ARHGAP24: variants seen among roughly 807,000 people sequenced by gnomAD.
ARHGAP24 encodes Rho GTPase activating protein 24.
In ARHGAP24, 50 loss-of-function variants were observed where a neutral mutation model predicts 76.4. That is an observed-to-expected ratio of 0.65 (90% CI 0.52 to 0.83). The LOEUF (loss-of-function observed/expected upper bound fraction) is 0.83, where lower values mean the gene tolerates loss of function less well. ARHGAP24 is among the 40% of genes least tolerant of loss of function. ARHGAP24 has a pLI of 0.00. For missense variants in ARHGAP24, 930 were observed against 914.2 expected (o/e 1.02, Z -0.22); for synonymous variants, 345 against 323.3 (o/e 1.07, Z -0.72).
chr4:85,809,954 T>C (rs1270182731), intron 3 of ARHGAP24, among the ~76,000 whole-genome samples: 1 of 152,232 alleles, frequency 6.6e-6, no homozygotes, highest in Non-Finnish European at 1.5e-5. Flanking sequence ...CAGCATGTAA[T>C]TGAGGGCAAG....
intron 1 of ARHGAP24, among the ~76,000 whole-genome samples, chr4:85,544,861 A>G (rs1321206778): frequency 6.6e-6 from 1 of 151,932 alleles, no homozygotes; most frequent in Non-Finnish European, 1.5e-5. Context: ...TTTTCTTAAC[A>G]GTTGTTCAGC....
chr4:85,733,166 C>A (rs1043950728), intron 3 of ARHGAP24, among the ~76,000 whole-genome samples: 38 of 149,100 alleles, frequency 2.5e-4, no homozygotes, highest in African/African-American at 8.1e-4. Context: ...CGGGTTCACA[C>A]CTTTCTCCTG....
At chr4:85,954,752 A>G (rs1214106620) in intron 5 of ARHGAP24, among the ~76,000 whole-genome samples, 1 of 152,244 alleles carries the variant, frequency 6.6e-6, no homozygotes, top group Non-Finnish European at 1.5e-5. Flanking sequence ...TCACGCCTGT[A>G]ATCCCAGCAC....
chr4:85,893,721 G>A (rs1249000737), intron 3 of ARHGAP24, among the ~76,000 whole-genome samples: 8 of 149,028 alleles, frequency 5.4e-5, no homozygotes, highest in African/African-American at 1.7e-4. Context: ...GGTTTCTGCC[G>A]AGAGATCCGC....
At chr4:85,822,149 T>C (rs1729500807) in intron 3 of ARHGAP24, among the ~76,000 whole-genome samples, 1 of 152,180 alleles carries the variant, frequency 6.6e-6, no homozygotes, top group Non-Finnish European at 1.5e-5. Flanking sequence ...AAAATTTGTT[T>C]CAATTTAAAA....
chr4:85,538,830 T>C (rs1725572325), intron 1 of ARHGAP24, among the ~76,000 whole-genome samples: 2 of 152,212 alleles, frequency 1.3e-5, no homozygotes, highest in Admixed American at 6.5e-5. Flanking sequence ...CTATCAGTCA[T>C]CAATAGCTTC....
chr4:85,511,169 G>A (rs922763099), intron 1 of ARHGAP24, among the ~76,000 whole-genome samples: 3 of 152,108 alleles, frequency 2.0e-5, no homozygotes, highest in Non-Finnish European at 4.4e-5. Context: ...CAAAAATTGT[G>A]CTTACCACAA....
intron 4 of ARHGAP24, among the ~76,000 whole-genome samples, chr4:85,932,593 C>T (rs1319126720): frequency 2.0e-5 from 3 of 152,184 alleles, no homozygotes; most frequent in Admixed American, 2.0e-4. Context: ...TGGCAAATGG[C>T]CAACACTGGG....
intron 8 of ARHGAP24, among the ~76,000 whole-genome samples, chr4:85,988,413 GA>G (rs1174234342): frequency 1.3e-5 from 2 of 151,564 alleles, no homozygotes; most frequent in Non-Finnish European, 1.5e-5. Context: ...ATAAAAGACA[GA>G]AAATGGAAGC....
chr4:85,934,604 T>G (rs1736526117), intron 4 of ARHGAP24, among the ~76,000 whole-genome samples: 1 of 152,204 alleles, frequency 6.6e-6, no homozygotes, highest in Non-Finnish European at 1.5e-5. Flanking sequence ...AACCTCCGCC[T>G]CCCGGGTTCA....
intron 2 of ARHGAP24, among the ~76,000 whole-genome samples, chr4:85,593,575 T>G (rs1253580769): frequency 6.6e-6 from 1 of 152,156 alleles, no homozygotes; most frequent in Non-Finnish European, 1.5e-5. Flanking sequence ...CTTTTAGTAG[T>G]TTCATAGTTT....
intron 1 of ARHGAP24, among the ~76,000 whole-genome samples, chr4:85,567,199 C>T (rs907865187): frequency 5.3e-5 from 8 of 152,140 alleles, no homozygotes; most frequent in African/African-American, 1.7e-4. Flanking sequence ...TTTAAAAGCT[C>T]GCTTTGGCTG....
At chr4:85,722,917 T>C (rs181943519) in intron 3 of ARHGAP24, among the ~76,000 whole-genome samples, 51 of 152,300 alleles carry the variant, frequency 3.3e-4, no homozygotes, top group African/African-American at 1.2e-3. Flanking sequence ...AAAAGCATAT[T>C]TTCCCCTCGA....
chr4:85,770,881 A>C (rs1383922059), intron 3 of ARHGAP24, among the ~76,000 whole-genome samples: 1 of 152,202 alleles, frequency 6.6e-6, no homozygotes, highest in Non-Finnish European at 1.5e-5. Flanking sequence ...CACCTCAGAG[A>C]ACGTTGCAGG....
intron 9 of ARHGAP24, among the ~76,000 whole-genome samples, chr4:85,997,828 T>G (rs2148874203): frequency 6.6e-6 from 1 of 152,116 alleles, no homozygotes; most frequent in South Asian, 2.1e-4. Flanking sequence ...GATAATTTTT[T>G]TTTTTCTTGT....
At chr4:85,976,421 A>G (rs865967766) in intron 7 of ARHGAP24, among the ~76,000 whole-genome samples, 2 of 152,180 alleles carry the variant, frequency 1.3e-5, no homozygotes, top group Non-Finnish European at 2.9e-5. Context: ...CTGGTACCAC[A>G]TGACTCTCAT....
At position 85,872,613 on chromosome 4, in the gene ARHGAP24, T is replaced by TG. The variant is rs1212028076; in HGVS notation, c.269-51035_269-51034insG. Among the ~76,000 whole-genome samples, 1,086 of 145,306 alleles carry TG rather than the reference T, an allele frequency of 7.5e-3. 8 individuals carry two copies. The highest frequency in any genetic ancestry group is 0.03 in the East Asian group (146 of 4,836). On this transcript the variant is annotated intron_variant, in intron 3 of 9. Transcript: ENST00000395184. ...ATCTGGCCTTTTTTTTTTTTTTTTT[T>TG]TTTTGACAGGGTCTCACTCTGTCAC...
chr4:85,643,351 C>T (rs1459660072), intron 2 of ARHGAP24, among the ~76,000 whole-genome samples: 3 of 117,058 alleles, frequency 2.6e-5, no homozygotes, highest in African/African-American at 5.8e-5. Context: ...CTCCGCTTCC[C>T]GGGTTCACGC....
At chr4:85,541,367 A>T (rs1264236409) in intron 1 of ARHGAP24, among the ~76,000 whole-genome samples, 2 of 120,894 alleles carry the variant, frequency 1.7e-5, no homozygotes, top group African/African-American at 1.2e-4. Context: ...TTTAGCCGGG[A>T]TGGTCTTGAT....
Sources: gnomAD v4.1 joint callset for allele counts (sites outside exome capture counted in the v4.1 genomes callset) on GRCh38, gnomAD v4.1.1 for gene constraint, MANE v1.5 for transcripts, NCBI Gene and HGNC (gene_info 2026-07-23, HGNC 2026-07-21) for gene names.